JAKMIP3: variants seen among roughly 807,000 people sequenced by gnomAD.
The protein encoded by JAKMIP3 is janus kinase and microtubule-interacting protein 3.
A neutral mutation model predicts 118.5 loss-of-function variants in JAKMIP3; 58 were observed. The ratio of observed to expected loss-of-function variants is 0.49; its 90% CI spans 0.40 to 0.61. The LOEUF is 0.61. Among genes scored for constraint, JAKMIP3 ranks in the 20% least tolerant of loss-of-function variants. The probability of loss-of-function intolerance (pLI) is 0.00; values close to 1 mark genes in which losing one functional copy is unlikely to be tolerated. For missense variants in JAKMIP3, 950 were observed against 1,109.0 expected, an observed-to-expected ratio of 0.86 and a Z score of 2.04; for synonymous variants, 486 against 451.2, an observed-to-expected ratio of 1.08 and a Z score of -0.98.
At chr10:132,130,479 C>T (rs1430289513) in intron 3 of JAKMIP3, among the ~76,000 whole-genome samples, 1 of 152,246 alleles carries the variant, frequency 6.6e-6, no homozygotes, top group Non-Finnish European at 1.5e-5. Flanking sequence ...GGAGGGCCCC[C>T]CTGAGGTGCA....
rs1339093105 is a variant in JAKMIP3, at chr10:132,180,776, T to TGC, written c.*1104-1580_*1104-1579insCG. 9.0e-5 allele frequency among the ~76,000 whole-genome samples: 4 copies of TGC among 44,618 alleles called. 1 individual carries two copies. Among genetic ancestry groups the TGC allele is most frequent in the African/African-American group, 3.5e-4 (4 of 11,506 alleles). The allele number at this position is 44,618 out of a possible 152,430, so 29.3% of individuals were successfully genotyped here. ...GCGTGTGTGCGTGTGTGTGCGTGTGTGTGTGTGCGCGTATGCATGTGCTGT... is the reference window on the plus strand; with the variant it reads ...GCGTGTGTGCGTGTGTGTGCGTGTGTGCGTGTGTGCGCGTATGCATGTGCTGT... On this transcript the variant is annotated intron_variant, in intron 23 of 23. Coordinates refer to ENST00000684848, the MANE Select transcript of JAKMIP3 (RefSeq NM_001323087.2).
intron 9 of JAKMIP3, among the ~76,000 whole-genome samples, chr10:132,139,426 G>GTT (rs1564949050): frequency 6.3e-5 from 5 of 79,634 alleles, no homozygotes; most frequent in South Asian, 6.0e-4. Context: ...GTGTGTGTGT[G>GTT]TGTTTGTGTG....
Position 132,153,906 on chromosome 10 carries a change from G to A in JAKMIP3, c.2143-7G>A. On this transcript the variant is annotated splice_polypyrimidine_tract_variant and splice_region_variant and intron_variant, in intron 18 of 23. Transcript: ENST00000684848. ...CGAGACCGAGGCATGGCCCTCCTGT[G>A]TTTCAGGAGCTGTTCAGTAAGCAGA... 1 of 1,613,002 alleles carries A rather than the reference G, an allele frequency of 6.2e-7. No homozygotes were observed. The highest frequency in any genetic ancestry group is 8.5e-7 in the Non-Finnish European group (1 of 1,179,700).
rs550186865 is a variant in JAKMIP3, at chr10:132,134,767, T to A, written c.850-274T>A. ...GCATACTTCTAGACATGTCTGCTCC[T>A]TTTCATTATTTTACTTTATGTTATT... On this transcript the variant is annotated intron_variant, in intron 4 of 23. Coordinates refer to ENST00000684848, the MANE Select transcript of JAKMIP3 (RefSeq NM_001323087.2). 8.5e-5 allele frequency among the ~76,000 whole-genome samples: 13 copies of A among 152,368 alleles called. No individual in the cohort carries two copies. In the East Asian group the frequency reaches 1.9e-3, roughly 23 times the overall value.
chr10:132,093,152 G>A (rs918486329), intron 1 of JAKMIP3, among the ~76,000 whole-genome samples: 3 of 152,116 alleles, frequency 2.0e-5, no homozygotes, highest in Non-Finnish European at 2.9e-5. Context: ...AGGGGTGCCC[G>A]GCCGTGTGAG....
chr10:132,116,945 T>G, intron 2 of JAKMIP3, 132 bp from the exon 3 acceptor site: 1 of 1,078,224 alleles, frequency 9.3e-7, no homozygotes, highest in Non-Finnish European at 1.3e-6. Flanking sequence ...GTGTGCAACG[T>G]GGAAGCTCCC....
intron 3 of JAKMIP3, among the ~76,000 whole-genome samples, chr10:132,121,613 GCCT>G (rs1748690478): frequency 6.6e-6 from 1 of 152,162 alleles, no homozygotes; most frequent in African/African-American, 2.4e-5. Flanking sequence ...TCCCATGATG[GCCT>G]CCACCCCCAG....
At position 132,104,919 on chromosome 10, in the gene JAKMIP3, C is replaced by T. The variant is rs775956780; in HGVS notation, c.111C>T (p.Ile37=). The T allele has an allele frequency of 1.2e-5, 19 of 1,590,994 alleles. No homozygotes were observed. Among genetic ancestry groups the T allele is most frequent in the South Asian group, 8.0e-5 (7 of 87,122 alleles). The part of the protein sequence containing the change: ...DLRAKLTDIQ[I]ELQQEKSKVS... ...GAGCCAAGCTCACAGACATCCAGATCGAGCTGCAGCAGGAGAAGAGCAAGG... is the reference window on the plus strand; with the variant it reads ...GAGCCAAGCTCACAGACATCCAGATTGAGCTGCAGCAGGAGAAGAGCAAGG... The change falls in exon 2 of 24, where the codon ATC becomes ATT. Residue 37 remains isoleucine (I), a synonymous_variant. Transcript: ENST00000684848.
chr10:132,137,812 A>G (rs917869787), intron 8 of JAKMIP3, among the ~76,000 whole-genome samples: 3 of 152,160 alleles, frequency 2.0e-5, no homozygotes, highest in Non-Finnish European at 4.4e-5. Flanking sequence ...GCTTCCCACA[A>G]CTGTGTGCCC....
At chr10:132,124,461 G>A (rs952533386) in intron 3 of JAKMIP3, among the ~76,000 whole-genome samples, 3 of 148,382 alleles carry the variant, frequency 2.0e-5, no homozygotes, top group Non-Finnish European at 3.0e-5. Flanking sequence ...GAGCCGGTGG[G>A]CCGCGCCATA....
chr10:132,171,152 T>C (rs1433850938), intron 23 of JAKMIP3, among the ~76,000 whole-genome samples: 1 of 152,204 alleles, frequency 6.6e-6, no homozygotes, highest in Admixed American at 6.5e-5. Flanking sequence ...AGCGGGGACT[T>C]TGGGCCGAGG....
In JAKMIP3 at chr10:132,176,127, C is replaced by T. The variant is rs190365783; in HGVS notation, c.*1104-6230C>T. Reference sequence around the variant, plus strand: ...CTCACCATGTTCCCTGCAGGATCTGCCCCCCAGCACCTGCCCGTTAAGGCA... The same window carrying T: ...CTCACCATGTTCCCTGCAGGATCTGTCCCCCAGCACCTGCCCGTTAAGGCA... On this transcript the variant is annotated intron_variant, in intron 23 of 23. Transcript: ENST00000684848. 3.2e-3 allele frequency among the ~76,000 whole-genome samples: 489 copies of T among 152,284 alleles called. 1 individual carries two copies. Among genetic ancestry groups the T allele is most frequent in the African/African-American group, 0.01 (432 of 41,554 alleles).
At chr10:132,164,579 C>A in intron 20 of JAKMIP3, 91 bp from the exon 21 acceptor site, 1 of 870,216 alleles carries the variant, frequency 1.1e-6, no homozygotes, top group Non-Finnish European at 1.9e-6. Flanking sequence ...CTGCGACGAT[C>A]TGTTACCAAG....
In JAKMIP3 at chr10:132,180,728, T is replaced by TGTGCGTGTGC. The variant is rs1554963331; in HGVS notation, c.*1104-1628_*1104-1627insTGCGTGTGCG. On this transcript the variant is annotated intron_variant, in intron 23 of 23. Coordinates refer to ENST00000684848, the MANE Select transcript of JAKMIP3 (RefSeq NM_001323087.2). ...GTGTGCGCGTGTGTGTGCGTGTGTG[T>TGTGCGTGTGC]GCGTGTGTGCGTGCGTGCGCGCGCG... 1.0e-4 allele frequency among the ~76,000 whole-genome samples: 2 copies of TGTGCGTGTGC among 19,846 alleles called. 1 individual carries two copies. Among genetic ancestry groups the TGTGCGTGTGC allele is most frequent in the Non-Finnish European group, 1.6e-4 (2 of 12,416 alleles). 13.0% of individuals were successfully genotyped at this position (19,846 alleles called of 152,430 possible).
chr10:132,143,658 A>G (rs2054028566), intron 11 of JAKMIP3: 3 of 152,270 alleles, frequency 2.0e-5, no homozygotes, highest in African/African-American at 4.8e-5. Flanking sequence ...AAAATAGACT[A>G]GCCGGCATCC....
chr10:132,073,069 A>G (rs2040221621), intron 1 of JAKMIP3, among the ~76,000 whole-genome samples: 3 of 152,240 alleles, frequency 2.0e-5, no homozygotes, highest in Non-Finnish European at 4.4e-5. Context: ...ATGTTTCTGC[A>G]AAAGACATGA....
chr10:132,083,071 A>T (rs1282648447), intron 1 of JAKMIP3, among the ~76,000 whole-genome samples: 1 of 152,240 alleles, frequency 6.6e-6, no homozygotes, highest in East Asian at 1.9e-4. Context: ...GGATTGCCGG[A>T]TCAAATGGTA....
chr10:132,126,890 T>C (rs899007955), intron 3 of JAKMIP3, among the ~76,000 whole-genome samples: 1 of 152,180 alleles, frequency 6.6e-6, no homozygotes, highest in East Asian at 1.9e-4. Context: ...GGATTTAGGA[T>C]TTTTTCCCAC....
intron 19 of JAKMIP3, among the ~76,000 whole-genome samples, chr10:132,157,720 C>G (rs980921840): frequency 5.3e-5 from 8 of 152,202 alleles, no homozygotes; most frequent in Admixed American, 2.6e-4. Context: ...CTCATGCTAT[C>G]TGACATTTTG....
Sources: gnomAD v4.1 joint callset for allele counts (sites outside exome capture counted in the v4.1 genomes callset) on GRCh38, gnomAD v4.1.1 for gene constraint, MANE v1.5 for transcripts, NCBI Gene and HGNC (gene_info 2026-07-23, HGNC 2026-07-21) for gene names.